The following SPATA16 variants were observed in gnomAD, a reference collection of about 807,000 sequenced individuals.
The protein encoded by SPATA16 is spermatogenesis-associated protein 16.
In SPATA16, 36 loss-of-function variants were observed where a neutral mutation model predicts 63.3. The observed-to-expected ratio is 0.57, with a 90% confidence interval of 0.44 to 0.75. The LOEUF (loss-of-function observed/expected upper bound fraction) is 0.75, where lower values mean the gene tolerates loss of function less well. Ranked by LOEUF, SPATA16 falls within the 30% of genes least tolerant of loss-of-function variation. The pLI is 0.00. For missense variants in SPATA16, 646 were observed against 679.3 expected, an observed-to-expected ratio of 0.95 and a Z score of 0.54; for synonymous variants, 203 against 216.7, an observed-to-expected ratio of 0.94 and a Z score of 0.56.
At chr3:173,140,919 T>C (rs1738696207) in intron 1 of SPATA16, among the ~76,000 whole-genome samples, 184 bp downstream of exon 1, 1 of 152,168 alleles carries the variant, frequency 6.6e-6, no homozygotes, top group Non-Finnish European at 1.5e-5. Context: ...GGAGATGATT[T>C]CTTGGTTACT....
At chr3:172,919,139 G>A (rs1732565129) in intron 8 of SPATA16, among the ~76,000 whole-genome samples, 1 of 152,190 alleles carries the variant, frequency 6.6e-6, no homozygotes, top group Non-Finnish European at 1.5e-5. Context: ...AAGTCATCCT[G>A]TGAAGGCGGC....
At chr3:173,090,852 G>T (rs890612637) in intron 2 of SPATA16, among the ~76,000 whole-genome samples, 1 of 152,158 alleles carries the variant, frequency 6.6e-6, no homozygotes, top group Non-Finnish European at 1.5e-5. Context: ...GCCATGAATG[G>T]GACCAGAAGA....
At chr3:173,042,365 C>T (rs1394960383) in intron 3 of SPATA16, among the ~76,000 whole-genome samples, 1 of 152,044 alleles carries the variant, frequency 6.6e-6, no homozygotes, top group Non-Finnish European at 1.5e-5. Flanking sequence ...GGGACTGTTA[C>T]AGGTGTGTGC....
At chr3:173,031,328 C>T (rs577471919) in intron 3 of SPATA16, among the ~76,000 whole-genome samples, 4 of 152,060 alleles carry the variant, frequency 2.6e-5, no homozygotes, top group East Asian at 1.9e-4. Context: ...GAGGTTAGTG[C>T]ACAAATATTA....
At chr3:172,917,778 T>A (rs1196101579) in intron 8 of SPATA16, among the ~76,000 whole-genome samples, 2 of 152,184 alleles carry the variant, frequency 1.3e-5, no homozygotes, top group Non-Finnish European at 2.9e-5. Context: ...CTTAAGAGAA[T>A]CTCCTCTAAG....
intron 8 of SPATA16, among the ~76,000 whole-genome samples, chr3:172,921,623 A>G: frequency 6.6e-6 from 1 of 152,238 alleles, no homozygotes; most frequent in East Asian, 1.9e-4. Context: ...AAAATAGGTA[A>G]TTTCAAACTA....
chr3:172,983,949 C>T, intron 4 of SPATA16, among the ~76,000 whole-genome samples: 1 of 150,772 alleles, frequency 6.6e-6, no homozygotes. Context: ...CAAGGCCCCA[C>T]CCCCACCCCC....
intron 4 of SPATA16, among the ~76,000 whole-genome samples, chr3:173,001,966 T>C (rs1321575818): frequency 6.6e-6 from 1 of 152,212 alleles, no homozygotes; most frequent in Non-Finnish European, 1.5e-5. Flanking sequence ...CTTCCATTCT[T>C]CCATTCTTTC....
chr3:173,056,150 A>T (rs1253205680), intron 2 of SPATA16, among the ~76,000 whole-genome samples: 2 of 152,336 alleles, frequency 1.3e-5, no homozygotes, highest in East Asian at 3.9e-4. Context: ...TTATAGAAGC[A>T]TACATCAGCC....
At chr3:173,115,056 C>A (rs971168762) in intron 2 of SPATA16, among the ~76,000 whole-genome samples, 4 of 151,402 alleles carry the variant, frequency 2.6e-5, no homozygotes, top group Non-Finnish European at 5.9e-5. Context: ...TCCTTAGAAC[C>A]CTGGGAGAGA....
In SPATA16 at chr3:173,093,464, G is replaced by A. The variant is rs576014123; in HGVS notation, c.612+23656C>T. On this transcript the variant is annotated intron_variant, in intron 2 of 10. Coordinates refer to ENST00000351008, the MANE Select transcript of SPATA16 (RefSeq NM_031955.6). ...TAGTCTTCTGGAAAGGAGAGAACAT[G>A]TCTGCTTTGGATTATATCCCCAGAG... Among the ~76,000 whole-genome samples, 4 of 152,246 alleles carry A rather than the reference G, an allele frequency of 2.6e-5. No individual in the cohort carries two copies. The East Asian group carries it at 7.7e-4, about 29-fold the overall frequency.
intron 4 of SPATA16, among the ~76,000 whole-genome samples, chr3:172,999,220 A>G (rs1322819478): frequency 2.6e-5 from 4 of 152,156 alleles, no homozygotes; most frequent in Admixed American, 2.6e-4. Flanking sequence ...TTGTTTCTTT[A>G]ATACATATAG....
intron 6 of SPATA16, among the ~76,000 whole-genome samples, chr3:172,940,915 G>A (rs1275057406): frequency 1.3e-5 from 2 of 152,122 alleles, no homozygotes; most frequent in African/African-American, 2.4e-5. Context: ...CCCGGGAGGC[G>A]GAGGTTGCAG....
At chr3:173,113,018 C>CA (rs568474513) in intron 2 of SPATA16, among the ~76,000 whole-genome samples, 2 of 152,108 alleles carry the variant, frequency 1.3e-5, no homozygotes, top group African/African-American at 4.8e-5. Context: ...CAATAAGTGA[C>CA]AAAAAATATG....
intron 5 of SPATA16, among the ~76,000 whole-genome samples, chr3:172,967,727 G>A (rs535428892): frequency 1.2e-4 from 18 of 152,256 alleles, no homozygotes; most frequent in African/African-American, 3.9e-4. Flanking sequence ...ATAGGAGCAC[G>A]AACCCTATTG....
At chr3:172,956,276 T>C (rs1733592312) in intron 6 of SPATA16, among the ~76,000 whole-genome samples, 1 of 151,960 alleles carries the variant, frequency 6.6e-6, no homozygotes. Flanking sequence ...AGGTTTGAGA[T>C]GTGAGATAGA....
chr3:172,956,642 A>G, intron 6 of SPATA16, 35 bp downstream of exon 6: 1 of 1,603,154 alleles, frequency 6.2e-7, no homozygotes, highest in African/African-American at 1.3e-5. Flanking sequence ...TTGAAACAAA[A>G]TATCAGCTGA....
chr3:173,101,732 T>A (rs775902909), intron 2 of SPATA16, among the ~76,000 whole-genome samples: 7 of 152,140 alleles, frequency 4.6e-5, no homozygotes, highest in Non-Finnish European at 7.4e-5. Context: ...CCCATGAAAT[T>A]GCTTAACCTC....
chr3:172,972,281 C>G (rs1432196756), intron 5 of SPATA16, among the ~76,000 whole-genome samples: 1 of 152,162 alleles, frequency 6.6e-6, no homozygotes, highest in Non-Finnish European at 1.5e-5. Context: ...ACATGTCATG[C>G]TTTCTACACG....
Sources: gnomAD v4.1 joint callset for allele counts (sites outside exome capture counted in the v4.1 genomes callset) on GRCh38, gnomAD v4.1.1 for gene constraint, MANE v1.5 for transcripts, NCBI Gene and HGNC (gene_info 2026-07-23, HGNC 2026-07-21) for gene names.